The following TBC1D20 variants were observed in gnomAD, a reference collection of about 807,000 sequenced individuals.
TBC1D20 encodes the protein chromosome 20 open reading frame 140.
Under a neutral mutation model 41.6 loss-of-function variants are expected in TBC1D20, and 12 were observed. The observed-to-expected ratio is 0.29, with a 90% confidence interval of 0.18 to 0.47. The LOEUF is 0.47. Ranked by LOEUF, TBC1D20 falls within the 20% of genes least tolerant of loss-of-function variation. TBC1D20 has a pLI of 1.00. For synonymous variants in TBC1D20, 205 were observed against 204.8 expected (o/e 1.00, Z -0.01); for missense variants, 421 against 517.4 (o/e 0.81, Z 1.81).
chr20:447,743 A>G (rs2017363022), intron 2 of TBC1D20, 146 bp downstream of exon 2: 1 of 521,400 alleles, frequency 1.9e-6, no homozygotes, highest in East Asian at 3.2e-5. Context: ...CCTTATTTTC[A>G]GAGTGGGCCC....
chr20:441,246 C>T (rs112850530), intron 5 of TBC1D20: 1 of 219,616 alleles, frequency 4.6e-6, no homozygotes, highest in Admixed American at 5.3e-5. Flanking sequence ...AATAAAACAA[C>T]CCATTGTTGG....
chr20:449,272 C>A (rs2017399126), intron 1 of TBC1D20, among the ~76,000 whole-genome samples: 1 of 99,178 alleles, frequency 1.0e-5, no homozygotes, highest in Admixed American at 1.2e-4. Context: ...CCTGTCTCAG[C>A]CTCCCAATAC....
intron 5 of TBC1D20, 164 bp downstream of exon 5, chr20:441,424 G>T: frequency 1.6e-6 from 1 of 631,698 alleles, no homozygotes; most frequent in South Asian, 1.9e-5. Flanking sequence ...AATGCTCCAA[G>T]AACTGAATTA....
At position 438,453 on chromosome 20, in the gene TBC1D20, G is replaced by A. The variant is rs576139200; in HGVS notation, c.*133C>T. 55 of 1,072,918 alleles carry A rather than the reference G, an allele frequency of 5.1e-5. 1 individual carries two copies. Among genetic ancestry groups the A allele is most frequent in the South Asian group, 3.9e-4 (25 of 64,062 alleles). 66.5% of individuals were successfully genotyped at this position (1,072,918 alleles called of 1,614,324 possible). On this transcript the variant is annotated 3_prime_UTR_variant, in exon 8 of 8. Transcript: ENST00000354200. ...CTCTGAAGTAAAGGCAAACACAAAC[G>A]GGCAGGGCAGGGTGGCAGGAATAAA...
intron 5 of TBC1D20, 84 bp downstream of exon 5, chr20:441,504 C>A: frequency 8.3e-7 from 1 of 1,199,526 alleles, no homozygotes; most frequent in Non-Finnish European, 1.2e-6. Flanking sequence ...GAGGAAACTG[C>A]GCTCGGCTTG....
Position 462,405 on chromosome 20 carries a change from T to TGCCCCGGG in TBC1D20, c.-8_-1dup, listed in dbSNP as rs1237433436. On this transcript the variant is annotated 5_prime_UTR_variant, in exon 1 of 8. Transcript: ENST00000354200. Reference sequence around the variant, plus strand: ...TCGCCCTGCGCACTCCGGAGGGCCATGCCCCGGGGCCCCGGGCCCCCACCC... The same window carrying TGCCCCGGG: ...TCGCCCTGCGCACTCCGGAGGGCCATGCCCCGGGGCCCCGGGGCCCCGGGCCCCCACCC... The TGCCCCGGG allele has an allele frequency of 4.8e-6, 6 of 1,237,526 alleles. No individual in the cohort carries two copies. The South Asian group carries it at 7.5e-5, about 15-fold the overall frequency. The allele number at this position is 1,237,526 out of a possible 1,614,324, so 76.7% of individuals were successfully genotyped here. A position where few individuals can be genotyped will look rare whatever the true frequency, so the allele number is the denominator to read the frequency against.
At chr20:451,497 G>A (rs575020574) in intron 1 of TBC1D20, among the ~76,000 whole-genome samples, 6 of 152,122 alleles carry the variant, frequency 3.9e-5, no homozygotes, top group Non-Finnish European at 8.8e-5. Flanking sequence ...ATAGTGAGCC[G>A]AGATAGCGTC....
At chr20:460,127 C>T (rs2017604331) in intron 1 of TBC1D20, among the ~76,000 whole-genome samples, 1 of 151,978 alleles carries the variant, frequency 6.6e-6, no homozygotes, top group Non-Finnish European at 1.5e-5. Context: ...TGGTTTAAGC[C>T]TGCATTATCA....
chr20:439,066 T>A lies in TBC1D20; in HGVS notation c.956+42A>T. On this transcript the variant is annotated intron_variant, in intron 7 of 7. Transcript: ENST00000354200. This position sits in a 1 kb window ranked among gnomAD's most constrained non-coding sequence, Gnocchi z 4.6. The stretch of plus-strand genomic sequence containing the variant: ...CAAACCTTCCCTCGCTTCTGCTCAT[T>A]TACAGCCACCCCCATTCAACCAGTG... 6.3e-7 allele frequency: 1 copy of A among 1,577,262 alleles called. No homozygotes were observed. The highest frequency in any genetic ancestry group is 8.6e-7 in the Non-Finnish European group (1 of 1,161,344).
intron 1 of TBC1D20, among the ~76,000 whole-genome samples, chr20:457,856 G>A (rs2017568356): frequency 6.6e-6 from 1 of 152,202 alleles, no homozygotes; most frequent in Non-Finnish European, 1.5e-5. Context: ...AAACATGCAG[G>A]AAACAGAGAA....
rs1013613125 is a variant in TBC1D20, at chr20:437,552, G to A, written c.*1034C>T. 1.3e-5 allele frequency: 2 copies of A among 152,342 alleles called. No homozygotes were observed. Among genetic ancestry groups the A allele is most frequent in the African/African-American group, 4.8e-5 (2 of 41,408 alleles). 9.4% of individuals were successfully genotyped at this position (152,342 alleles called of 1,614,324 possible). ...CAGGTGGGAGAGACCAGCAGTTGAC[G>A]AGTCAAGTCAGACCCAAAAAACGAC... On this transcript the variant is annotated 3_prime_UTR_variant, in exon 8 of 8. Transcript: ENST00000354200.
chr20:459,269 T>C (rs1321024374), intron 1 of TBC1D20, among the ~76,000 whole-genome samples: 2 of 152,234 alleles, frequency 1.3e-5, no homozygotes, highest in Non-Finnish European at 2.9e-5. Flanking sequence ...TATTTCGAGA[T>C]AAACTTTATA....
At chr20:452,902 C>T (rs763532723) in intron 1 of TBC1D20, among the ~76,000 whole-genome samples, 1 of 152,120 alleles carries the variant, frequency 6.6e-6, no homozygotes, top group African/African-American at 2.4e-5. Flanking sequence ...GTGATCCCAG[C>T]ATTTTGGGAG....
chr20:448,970 C>T (rs1447232524), intron 1 of TBC1D20, among the ~76,000 whole-genome samples: 1 of 148,426 alleles, frequency 6.7e-6, no homozygotes, highest in Non-Finnish European at 1.5e-5. Context: ...CCTCAGCCTC[C>T]CAAGTAGCTG....
chr20:454,169 G>T (rs963354007), intron 1 of TBC1D20, among the ~76,000 whole-genome samples: 4 of 151,430 alleles, frequency 2.6e-5, no homozygotes, highest in African/African-American at 7.3e-5. Context: ...GGTGAACCTG[G>T]GAGGCGGAGC....
At position 437,713 on chromosome 20, in the gene TBC1D20, A is replaced by G. The variant is rs1454403146; in HGVS notation, c.*873T>C. On this transcript the variant is annotated 3_prime_UTR_variant, in exon 8 of 8. Coordinates refer to ENST00000354200, the MANE Select transcript of TBC1D20 (RefSeq NM_144628.4). The stretch of plus-strand genomic sequence containing the variant: ...CAACTCTGGCTAAAGCGAAAATGTT[A>G]ATCAAGTAGAAAGTAAAATTCAGGA... The G allele has an allele frequency of 6.5e-6, 1 of 153,702 alleles. No individual in the cohort carries two copies. The highest frequency in any genetic ancestry group is 1.5e-5 in the Non-Finnish European group (1 of 68,030). 9.5% of individuals were successfully genotyped at this position (153,702 alleles called of 1,614,324 possible). A position where few individuals can be genotyped will look rare whatever the true frequency, so the allele number is the denominator to read the frequency against.
Position 438,704 on chromosome 20 carries a change from T to G in TBC1D20, c.1094A>C (p.Asn365Thr). The part of the protein sequence containing the change: ...TKDVLTKPRT[N>T]RFVKLAVMGL... ...CATCACTGCCAATTTCACAAAGCGG[T>G]TGGTCCTTGGCTTGGTCAGGACATC... The change falls in exon 8 of 8, where the codon AAC becomes ACC. Residue 365 changes from asparagine (N) to threonine (T), a missense_variant. Asn to Thr is a moderately conservative substitution (Grantham distance 65, BLOSUM62 0). Transcript: ENST00000354200. The G allele has an allele frequency of 6.2e-7, 1 of 1,614,198 alleles. No homozygotes were observed. The highest frequency in any genetic ancestry group is 1.1e-5 in the South Asian group (1 of 91,082).
chr20:447,707 G>A (rs919070996), intron 2 of TBC1D20, among the ~76,000 whole-genome samples, 182 bp downstream of exon 2: 1 of 152,014 alleles, frequency 6.6e-6, no homozygotes. Context: ...TTCCACTTTT[G>A]AATAAAATTC....
rs148965739 is a variant in TBC1D20, at chr20:446,549, C to T, written c.256+1340G>A. Among the ~76,000 whole-genome samples, 681 of 152,164 alleles carry T rather than the reference C, an allele frequency of 4.5e-3. 9 individuals are homozygous for T. Among genetic ancestry groups the T allele is most frequent in the African/African-American group, 0.014 (590 of 41,494 alleles). The stretch of plus-strand genomic sequence containing the variant: ...AGAGATGGGGTTTCACCATGTTGGC[C>T]GGGCTGGTCTCGAACTCCTGACCTC... On this transcript the variant is annotated intron_variant, in intron 2 of 7. Coordinates refer to ENST00000354200, the MANE Select transcript of TBC1D20 (RefSeq NM_144628.4).
Sources: allele counts gnomAD v4.1 joint callset (sites outside exome capture counted in the v4.1 genomes callset), GRCh38; gene constraint gnomAD v4.1.1; non-coding constraint Gnocchi (gnomAD v3.1); transcripts MANE v1.5; gene names NCBI Gene and HGNC (gene_info 2026-07-23, HGNC 2026-07-21).